The following TSHR variants were observed in gnomAD, a reference collection of about 807,000 sequenced individuals.
The protein encoded by TSHR is thyrotropin receptor.
TSHR carries 51 observed loss-of-function variants against 64.1 expected under a neutral mutation model. The ratio of observed to expected loss-of-function variants is 0.80; its 90% CI spans 0.64 to 1.01. The LOEUF (loss-of-function observed/expected upper bound fraction) is 1.01, where lower values mean the gene tolerates loss of function less well. Ranked by LOEUF, TSHR falls within the 50% of genes least tolerant of loss-of-function variation. The probability of loss-of-function intolerance (pLI) is 0.00; values close to 1 mark genes in which losing one functional copy is unlikely to be tolerated. For synonymous variants in TSHR, 361 were observed against 361.9 expected, an observed-to-expected ratio of 1.00 and a Z score of 0.03; for missense variants, 877 against 942.8, an observed-to-expected ratio of 0.93 and a Z score of 0.91.
chr14:81,057,984 T>C (rs1333342010), intron 1 of TSHR, among the ~76,000 whole-genome samples: 2 of 152,254 alleles, frequency 1.3e-5, no homozygotes, highest in Admixed American at 1.3e-4. Context: ...TGTTGGAATG[T>C]TGATTGGATT....
intron 1 of TSHR, among the ~76,000 whole-genome samples, chr14:81,033,862 A>G (rs1386330014): frequency 6.6e-6 from 1 of 152,224 alleles, no homozygotes; most frequent in East Asian, 1.9e-4. Flanking sequence ...CAGCTAGGGT[A>G]GACAAAGGAA....
chr14:81,144,306 A>G lies in TSHR; in HGVS notation c.2248A>G (p.Lys750Glu). 6.2e-7 allele frequency: 1 copy of G among 1,614,156 alleles called. No homozygotes were observed. The highest frequency in any genetic ancestry group is 2.2e-5 in the East Asian group (1 of 44,888). ...GATTGAAAACTCCCATCTAACCCCA[A>G]AGAAGCAAGGCCAAATCTCAGAAGA... is the stretch of plus-strand genomic sequence containing the variant. ...ELIENSHLTP[K>E]KQGQISEEYM... Residue 750 changes from lysine to glutamate, a missense_variant, in exon 10 of 10, where the codon AAG becomes GAG. By Grantham distance (56) the Lys-to-Glu change is moderately conservative. Coordinates refer to ENST00000298171, the MANE Select transcript of TSHR (RefSeq NM_000369.5).
intron 1 of TSHR, among the ~76,000 whole-genome samples, chr14:80,979,996 T>C (rs1594912131): frequency 6.6e-6 from 1 of 152,224 alleles, no homozygotes; most frequent in African/African-American, 2.4e-5. Flanking sequence ...ACTCTTCACA[T>C]GGTTTATGAA....
At chr14:81,088,986 CTT>C (rs60086198) in intron 4 of TSHR, among the ~76,000 whole-genome samples, 5,410 of 125,664 alleles carry the variant, frequency 0.043, 301 homozygotes, top group African/African-American at 0.13. Context: ...AAAATAGTTG[CTT>C]TTTTTTTTTT....
intron 8 of TSHR, among the ~76,000 whole-genome samples, chr14:81,131,197 C>T (rs532789889): frequency 7.9e-5 from 12 of 152,070 alleles, no homozygotes; most frequent in Non-Finnish European, 1.6e-4. Flanking sequence ...TCATTCTCAA[C>T]CCTTCTCTTT....
intron 1 of TSHR, among the ~76,000 whole-genome samples, chr14:81,041,068 G>T (rs1884896662): frequency 6.6e-6 from 1 of 152,112 alleles, no homozygotes; most frequent in Non-Finnish European, 1.5e-5. Context: ...GTTGGTGGGG[G>T]TGTAAATTAG....
chr14:81,139,860 A>T lies in TSHR; in HGVS notation c.874A>T (p.Ile292Phe). 1 of 1,614,192 alleles carries T rather than the reference A, an allele frequency of 6.2e-7. No homozygotes were observed. Among genetic ancestry groups the T allele is most frequent in the East Asian group, 2.2e-5 (1 of 44,886 alleles). Residue 292 changes from isoleucine (I) to phenylalanine (F), a missense_variant, in exon 9 of 10, where the codon ATC becomes TTC. Physicochemically the swap from Ile to Phe is conservative, Grantham distance 21 (BLOSUM62 0). Coordinates refer to ENST00000298171, the MANE Select transcript of TSHR (RefSeq NM_000369.5). ...CTGTGCTTTTAAGAATCAGAAGAAA[A>T]TCAGAGGGTAAGTGGCAGGGACCCG... ...HCCAFKNQKK[I>F]RGILESLMCN... is the part of the protein sequence containing the mutation.
intron 7 of TSHR, among the ~76,000 whole-genome samples, chr14:81,100,352 ATAGG>A (rs1451546018): frequency 6.6e-6 from 1 of 152,164 alleles, no homozygotes; most frequent in Non-Finnish European, 1.5e-5. Flanking sequence ...ACCGCCTCTG[ATAGG>A]TAGGAAAAAA....
At chr14:81,131,461 A>G (rs898195209) in intron 8 of TSHR, among the ~76,000 whole-genome samples, 3 of 152,154 alleles carry the variant, frequency 2.0e-5, no homozygotes, top group Non-Finnish European at 4.4e-5. Flanking sequence ...TTCCATGAAA[A>G]TGTAATGTTC....
chr14:81,136,330 C>A (rs1595168672), intron 8 of TSHR, among the ~76,000 whole-genome samples: 1 of 152,268 alleles, frequency 6.6e-6, no homozygotes, highest in Non-Finnish European at 1.5e-5. Flanking sequence ...GATGCAAATA[C>A]GTGGATTTGA....
At chr14:81,111,834 C>T (rs968738956) in intron 8 of TSHR, among the ~76,000 whole-genome samples, 2 of 152,084 alleles carry the variant, frequency 1.3e-5, no homozygotes, top group Admixed American at 6.5e-5. Context: ...TAATATGGTA[C>T]CCAATAAATA....
chr14:81,079,253 A>C (rs1469124357), intron 3 of TSHR, among the ~76,000 whole-genome samples: 1 of 152,204 alleles, frequency 6.6e-6, no homozygotes. Flanking sequence ...CTTTCTCTAT[A>C]AGAAAGTCAA....
chr14:81,109,018 C>T (rs752324918), intron 8 of TSHR: 8 of 1,231,100 alleles, frequency 6.5e-6, no homozygotes, highest in Admixed American at 3.8e-5. Context: ...ATTGATTCTG[C>T]TTCCCTGAAG....
intron 1 of TSHR, chr14:81,013,097 C>A (rs898881315): frequency 1.3e-5 from 2 of 152,104 alleles, no homozygotes; most frequent in African/African-American, 4.8e-5. Context: ...AGTCTTTAAT[C>A]CATCTTGAAT....
intron 8 of TSHR, among the ~76,000 whole-genome samples, chr14:81,134,065 A>G (rs10138625): frequency 0.023 from 3,549 of 152,128 alleles, 145 homozygotes; most frequent in African/African-American, 0.081. Context: ...TGAATTTAAA[A>G]CCCATGTTCC....
At chr14:81,027,016 AC>A (rs1884096247) in intron 1 of TSHR, among the ~76,000 whole-genome samples, 1 of 150,502 alleles carries the variant, frequency 6.6e-6, no homozygotes, top group Non-Finnish European at 1.5e-5. Flanking sequence ...AGCCTGGGCA[AC>A]AAGAGTGAAA....
At chr14:81,088,434 G>T (rs952685383) in intron 4 of TSHR, among the ~76,000 whole-genome samples, 2 of 152,162 alleles carry the variant, frequency 1.3e-5, no homozygotes, top group African/African-American at 4.8e-5. Flanking sequence ...TCCATGGGGA[G>T]TGGAGGGAAA....
rs1285002225 is a variant in TSHR, at chr14:81,144,162, C to G, written c.2104C>G (p.Gln702Glu). 6.2e-6 allele frequency: 10 copies of G among 1,614,104 alleles called. No individual in the cohort carries two copies. The highest frequency in any genetic ancestry group is 1.3e-5 in the African/African-American group (1 of 75,014). The change falls in exon 10 of 10, where the codon CAG becomes GAG. Residue 702 changes from glutamine (Q) to glutamate (E), a missense_variant. By Grantham distance (29) the Gln-to-Glu change is conservative (BLOSUM62 2). Transcript: ENST00000298171. ...LLSKFGICKRQAQAYRGQRVP... is the reference protein window; with the variant it reads ...LLSKFGICKREAQAYRGQRVP... ...CAGCAAGTTTGGCATCTGTAAACGC[C>G]AGGCTCAGGCATACCGGGGGCAGAG...
In TSHR at chr14:81,002,825, CTTTTT is replaced by C. The variant is rs1282434573; in HGVS notation, c.170+46978_170+46982del. 1.3e-3 allele frequency among the ~76,000 whole-genome samples: 68 copies of C among 53,214 alleles called. 4 individuals are homozygous for C. Among genetic ancestry groups the C allele is most frequent in the African/African-American group, 3.6e-3 (55 of 15,122 alleles). 34.9% of individuals were successfully genotyped at this position (53,214 alleles called of 152,430 possible). On this transcript the variant is annotated intron_variant, in intron 1 of 9. Transcript: ENST00000298171. The stretch of plus-strand genomic sequence containing the variant: ...TTTTTTTTATCTTTTTTTTTTTTTT[CTTTTT>C]TTATTATTATTATTATACTTTAAGT...
Sources: allele counts gnomAD v4.1 joint callset (sites outside exome capture counted in the v4.1 genomes callset), GRCh38; gene constraint gnomAD v4.1.1; transcripts MANE v1.5; gene names NCBI Gene and HGNC (gene_info 2026-07-23, HGNC 2026-07-21).